C1QTNF3: variants seen among roughly 807,000 people sequenced by gnomAD.
C1QTNF3 encodes the protein C1q and TNF related 3.
C1QTNF3 carries 26 observed loss-of-function variants against 32.6 expected under a neutral mutation model. The observed-to-expected ratio is 0.80, with a 90% CI of 0.58 to 1.11. The LOEUF is 1.11. C1QTNF3 is among the 50% of genes least tolerant of loss of function. The probability of loss-of-function intolerance (pLI) is 0.00; values close to 1 mark genes in which losing one functional copy is unlikely to be tolerated. For missense variants in C1QTNF3, 362 were observed against 398.2 expected, an observed-to-expected ratio of 0.91 and a Z score of 0.77; for synonymous variants, 155 against 146.0, an observed-to-expected ratio of 1.06 and a Z score of -0.44.
At chr5:34,040,845 C>T (rs1322603087) in intron 1 of C1QTNF3, among the ~76,000 whole-genome samples, 1 of 149,800 alleles carries the variant, frequency 6.7e-6, no homozygotes, top group African/African-American at 2.5e-5. Flanking sequence ...TGTGGATAGT[C>T]ATTCTTTTAA....
At chr5:34,242,556 C>T in the C1QTNF3 span, among the ~76,000 whole-genome samples, 3 of 137,746 alleles carry the variant, frequency 2.2e-5, no homozygotes, top group South Asian at 7.5e-4. Flanking sequence ...ATTATGAAAA[C>T]TCTAAAACAA....
At chr5:34,117,266 A>T in the C1QTNF3 span, among the ~76,000 whole-genome samples, 1 of 152,164 alleles carries the variant, frequency 6.6e-6, no homozygotes, top group Non-Finnish European at 1.5e-5. Flanking sequence ...TAATAATATT[A>T]CTTAGATATT....
chr5:34,144,600 TA>T, the C1QTNF3 span, among the ~76,000 whole-genome samples: 159 of 151,342 alleles, frequency 1.1e-3, 1 homozygote, highest in Admixed American at 3.3e-3. Context: ...TAGAATGCAA[TA>T]AAAAAAAGAA....
At chr5:34,155,425 T>C in the C1QTNF3 span, among the ~76,000 whole-genome samples, 4 of 152,238 alleles carry the variant, frequency 2.6e-5, no homozygotes, top group Non-Finnish European at 5.9e-5. Context: ...AAGTGACTAG[T>C]AAATTGGATT....
At chr5:34,028,655 T>A in intron 4 of C1QTNF3, 99 bp downstream of exon 4, 1 of 1,055,410 alleles carries the variant, frequency 9.5e-7, no homozygotes, top group Non-Finnish European at 1.3e-6. Flanking sequence ...TTTCTCTCCC[T>A]CCCTTTCTCC....
At chr5:34,200,674 T>C in the C1QTNF3 span, 33 of 152,278 alleles carry the variant, frequency 2.2e-4, no homozygotes, top group African/African-American at 7.5e-4. Context: ...ATTAAAAAAC[T>C]TGACCCACAA....
chr5:34,241,951 GGGAAGGAAGGAAGGAA>G, the C1QTNF3 span, among the ~76,000 whole-genome samples: 232 of 90,202 alleles, frequency 2.6e-3, 2 homozygotes, highest in African/African-American at 7.0e-3. Flanking sequence ...AAGGGAGGGA[GGGAAGGAAGGAAGGAA>G]GGAAGGAAGG....
At chr5:34,216,464 T>C in the C1QTNF3 span, among the ~76,000 whole-genome samples, 1 of 152,240 alleles carries the variant, frequency 6.6e-6, no homozygotes, top group Non-Finnish European at 1.5e-5. Context: ...GAAAGATTTT[T>C]TTTCTTGGCA....
the C1QTNF3 span, among the ~76,000 whole-genome samples, chr5:34,171,218 C>T: frequency 1.3e-5 from 2 of 151,880 alleles, no homozygotes; most frequent in Admixed American, 1.3e-4. Flanking sequence ...AGGGTTTCCA[C>T]CGAGATATTT....
the C1QTNF3 span, among the ~76,000 whole-genome samples, chr5:34,057,565 T>C: frequency 1.3e-5 from 2 of 152,248 alleles, no homozygotes; most frequent in African/African-American, 4.8e-5. Flanking sequence ...GTTTGTTCTC[T>C]ACAATTCTCA....
At chr5:34,059,391 C>G in the C1QTNF3 span, among the ~76,000 whole-genome samples, 1 of 152,120 alleles carries the variant, frequency 6.6e-6, no homozygotes, top group Non-Finnish European at 1.5e-5. Flanking sequence ...CTTCAGGCTG[C>G]TATAACAAAC....
At chr5:34,074,964 T>C in the C1QTNF3 span, among the ~76,000 whole-genome samples, 2,209 of 151,864 alleles carry the variant, frequency 0.015, 122 homozygotes, top group African/African-American at 0.052. Context: ...ATTTCTAAAA[T>C]AGACTTATTA....
chr5:34,223,072 GGTTA>G, the C1QTNF3 span, among the ~76,000 whole-genome samples: 2 of 151,488 alleles, frequency 1.3e-5, no homozygotes, highest in Non-Finnish European at 2.9e-5. Context: ...ACAATGTGCA[GGTTA>G]GTTACATATG....
chr5:34,235,328 T>C, the C1QTNF3 span, among the ~76,000 whole-genome samples: 17 of 152,266 alleles, frequency 1.1e-4, no homozygotes, highest in East Asian at 2.9e-3. Context: ...CACAGAACAC[T>C]TGTCAGTGTC....
At chr5:34,164,308 C>T in the C1QTNF3 span, among the ~76,000 whole-genome samples, 5 of 152,216 alleles carry the variant, frequency 3.3e-5, no homozygotes, top group African/African-American at 9.6e-5. Context: ...ATATTTTGCA[C>T]TCGAATTAGA....
chr5:34,154,827 T>C, the C1QTNF3 span, among the ~76,000 whole-genome samples: 10 of 152,274 alleles, frequency 6.6e-5, no homozygotes, highest in South Asian at 1.0e-3. Flanking sequence ...TAGAGACAGA[T>C]AGAAAATGAG....
the C1QTNF3 span, among the ~76,000 whole-genome samples, chr5:34,145,266 T>C: frequency 2.6e-3 from 395 of 152,234 alleles, 1 homozygote; most frequent in Non-Finnish European, 4.5e-3. Context: ...ACTATCTGAA[T>C]TAACAACAAC....
At chr5:34,215,475 C>T in the C1QTNF3 span, among the ~76,000 whole-genome samples, 2 of 152,192 alleles carry the variant, frequency 1.3e-5, no homozygotes, top group African/African-American at 4.8e-5. Context: ...TTCTGGCCTC[C>T]AGGGAACCGG....
At chr5:34,161,568 G>A in the C1QTNF3 span, among the ~76,000 whole-genome samples, 1 of 152,140 alleles carries the variant, frequency 6.6e-6, no homozygotes, top group African/African-American at 2.4e-5. Context: ...ATTAAACATA[G>A]TCTATTTATT....
Sources: gnomAD v4.1 joint callset for allele counts (sites outside exome capture counted in the v4.1 genomes callset) on GRCh38, gnomAD v4.1.1 for gene constraint, MANE v1.5 for transcripts, NCBI Gene and HGNC (gene_info 2026-07-23, HGNC 2026-07-21) for gene names.